The following SAMD5 variants were observed in gnomAD, a reference collection of about 807,000 sequenced individuals.
The protein encoded by SAMD5 is sterile alpha motif domain-containing protein 5.
SAMD5 carries 13 observed loss-of-function variants against 11.3 expected under a neutral mutation model. The observed-to-expected ratio is 1.15, with a 90% CI of 0.75 to 1.83. The LOEUF (loss-of-function observed/expected upper bound fraction) is 1.83. Among genes scored for constraint, SAMD5 ranks in the 40% most tolerant of loss-of-function variants. The probability of loss-of-function intolerance (pLI) is 0.00; values close to 1 mark genes in which losing one functional copy is unlikely to be tolerated. For missense variants in SAMD5, 255 were observed against 239.1 expected (o/e 1.07, Z -0.44); for synonymous variants, 129 against 111.3 (o/e 1.16, Z -1.00).
chr6:147,630,389 G>C (rs1427450634), intron 1 of SAMD5, among the ~76,000 whole-genome samples: 3 of 152,178 alleles, frequency 2.0e-5, no homozygotes, highest in South Asian at 4.1e-4. Flanking sequence ...AGGCCTCTGA[G>C]TCCAAGCCTG....
chr6:147,766,505 C>T, the SAMD5 span, among the ~76,000 whole-genome samples: 2 of 152,154 alleles, frequency 1.3e-5, no homozygotes, highest in Non-Finnish European at 1.5e-5. Flanking sequence ...TTTTTGCTAA[C>T]ATTGGATAAA....
chr6:147,932,259 C>A, the SAMD5 span, among the ~76,000 whole-genome samples: 1 of 152,170 alleles, frequency 6.6e-6, no homozygotes, highest in East Asian at 1.9e-4. Context: ...GTAGAGGGGA[C>A]TTTTCAGAGA....
chr6:147,620,464 T>C (rs1016214033), intron 1 of SAMD5, among the ~76,000 whole-genome samples: 1 of 152,228 alleles, frequency 6.6e-6, no homozygotes, highest in African/African-American at 2.4e-5. Flanking sequence ...GCACCAATTA[T>C]GTGCAAAGCC....
chr6:147,587,505 G>A (rs1254940774), intron 1 of SAMD5, among the ~76,000 whole-genome samples: 1 of 152,062 alleles, frequency 6.6e-6, no homozygotes, highest in African/African-American at 2.4e-5. Flanking sequence ...CCAATGTGCT[G>A]GCATTACAGG....
chr6:147,920,519 G>A, the SAMD5 span, among the ~76,000 whole-genome samples: 1 of 152,144 alleles, frequency 6.6e-6, no homozygotes, highest in African/African-American at 2.4e-5. Context: ...GATCGTGTGA[G>A]TCAGTACTCC....
At chr6:147,884,380 C>T in the SAMD5 span, among the ~76,000 whole-genome samples, 6 of 152,304 alleles carry the variant, frequency 3.9e-5, no homozygotes, top group African/African-American at 1.4e-4. Flanking sequence ...TTTCCCGGGA[C>T]ACCTGCAGTT....
At chr6:147,770,796 C>T in the SAMD5 span, among the ~76,000 whole-genome samples, 1 of 151,942 alleles carries the variant, frequency 6.6e-6, no homozygotes, top group Non-Finnish European at 1.5e-5. Context: ...AATTCCAGAC[C>T]TTAGACAACT....
the SAMD5 span, among the ~76,000 whole-genome samples, chr6:147,774,921 T>C: frequency 1.3e-5 from 2 of 152,102 alleles, no homozygotes; most frequent in African/African-American, 2.4e-5. Flanking sequence ...TGCAAAGGCA[T>C]AGAAACAACC....
At chr6:147,520,694 A>G (rs1264265010) in intron 1 of SAMD5, among the ~76,000 whole-genome samples, 1 of 152,172 alleles carries the variant, frequency 6.6e-6, no homozygotes. Context: ...TTTTTTTGTC[A>G]GTAGCTGTCA....
At chr6:147,765,114 A>G in the SAMD5 span, among the ~76,000 whole-genome samples, 1 of 152,240 alleles carries the variant, frequency 6.6e-6, no homozygotes, top group African/African-American at 2.4e-5. Flanking sequence ...CTCTGTAAAG[A>G]AAGGTGTATT....
At chr6:147,669,004 T>G in intron 1 of SAMD5, among the ~76,000 whole-genome samples, 1 of 152,056 alleles carries the variant, frequency 6.6e-6, no homozygotes, top group African/African-American at 2.4e-5. Flanking sequence ...TGGAGGAGGG[T>G]CTTGCCCGAT....
At chr6:147,621,339 G>A (rs925831202) in intron 1 of SAMD5, among the ~76,000 whole-genome samples, 1 of 152,178 alleles carries the variant, frequency 6.6e-6, no homozygotes, top group Non-Finnish European at 1.5e-5. Flanking sequence ...GATAGTCAAT[G>A]GAGCTTGACT....
At chr6:147,601,044 G>A (rs149940373) in intron 1 of SAMD5, among the ~76,000 whole-genome samples, 1 of 152,272 alleles carries the variant, frequency 6.6e-6, no homozygotes, top group African/African-American at 2.4e-5. Context: ...TTATTTGGGT[G>A]ACAAACATAA....
the SAMD5 span, among the ~76,000 whole-genome samples, chr6:147,887,755 T>G: frequency 0.054 from 8,153 of 152,268 alleles, 266 homozygotes; most frequent in African/African-American, 0.069. Context: ...ATCAAACTGT[T>G]TTTCAAAACT....
At chr6:147,768,589 C>A in the SAMD5 span, among the ~76,000 whole-genome samples, 1 of 152,042 alleles carries the variant, frequency 6.6e-6, no homozygotes, top group African/African-American at 2.4e-5. Context: ...ATAAATTGAA[C>A]TCTTACTATG....
intron 1 of SAMD5, among the ~76,000 whole-genome samples, chr6:147,609,248 G>A (rs1432263983): frequency 6.6e-6 from 1 of 152,148 alleles, no homozygotes; most frequent in Non-Finnish European, 1.5e-5. Context: ...CTCATAAAAA[G>A]GAAATCTGGG....
chr6:147,632,859 A>C (rs1279460649), intron 1 of SAMD5, among the ~76,000 whole-genome samples: 1 of 152,222 alleles, frequency 6.6e-6, no homozygotes, highest in African/African-American at 2.4e-5. Context: ...TTTCTACATA[A>C]AAATTTGAAT....
chr6:147,637,379 T>C (rs1312716944), intron 1 of SAMD5, among the ~76,000 whole-genome samples: 1 of 152,198 alleles, frequency 6.6e-6, no homozygotes, highest in Non-Finnish European at 1.5e-5. Context: ...ACTTTATCTC[T>C]CTGAACCTCA....
At chr6:147,663,901 A>AC (rs150977416) in intron 1 of SAMD5, among the ~76,000 whole-genome samples, 3 of 149,564 alleles carry the variant, frequency 2.0e-5, no homozygotes, top group Admixed American at 6.6e-5. Context: ...TTTTACATGT[A>AC]AATTTTTTTT....
Sources: allele counts gnomAD v4.1 joint callset (sites outside exome capture counted in the v4.1 genomes callset), GRCh38; gene constraint gnomAD v4.1.1; transcripts MANE v1.5; gene names NCBI Gene and HGNC (gene_info 2026-07-23, HGNC 2026-07-21).